Variants in DPY19L1 observed in about 807,000 individuals in gnomAD.
DPY19L1 encodes the protein dpy-19 like C-mannosyltransferase 1, also known as protein C-mannosyl-transferase DPY19L1.
In DPY19L1, 35 loss-of-function variants were observed where a neutral mutation model predicts 96.9. That is an observed-to-expected ratio of 0.36 (90% CI 0.28 to 0.48). The LOEUF (loss-of-function observed/expected upper bound fraction) is 0.48, where lower values mean the gene tolerates loss of function less well. DPY19L1 is among the 20% of genes least tolerant of loss of function. The pLI is 0.99. For synonymous variants in DPY19L1, 205 were observed against 252.6 expected (o/e 0.81, Z 1.79); for missense variants, 521 against 777.9 (o/e 0.67, Z 3.93).
chr7:35,004,758 C>G (rs1367857025), intron 6 of DPY19L1, among the ~76,000 whole-genome samples: 1 of 152,128 alleles, frequency 6.6e-6, no homozygotes, highest in Non-Finnish European at 1.5e-5. Flanking sequence ...CTTATAAGAT[C>G]CTCAATATAA....
At chr7:34,985,367 A>G (rs1336240539) in intron 7 of DPY19L1, among the ~76,000 whole-genome samples, 2 of 152,302 alleles carry the variant, frequency 1.3e-5, no homozygotes, top group East Asian at 3.9e-4. Flanking sequence ...AACAAAGGAA[A>G]TAATTAACAG....
At chr7:35,029,385 G>T (rs1481716154) in intron 1 of DPY19L1, among the ~76,000 whole-genome samples, 1 of 152,144 alleles carries the variant, frequency 6.6e-6, no homozygotes. Context: ...AATGGAAAAA[G>T]TGTAGAATCT....
chr7:35,037,541 A>C (rs1786463235), upstream of DPY19L1: 1 of 311,078 alleles, frequency 3.2e-6, no homozygotes, highest in Admixed American at 5.1e-5. Context: ...GCGGGCCGGG[A>C]GGCGGGGAGA....
At chr7:34,999,740 T>C (rs957453848) in intron 6 of DPY19L1, among the ~76,000 whole-genome samples, 1 of 152,182 alleles carries the variant, frequency 6.6e-6, no homozygotes, top group African/African-American at 2.4e-5. Flanking sequence ...GCTGTAGATC[T>C]GGAGAGGAAT....
intron 6 of DPY19L1, among the ~76,000 whole-genome samples, chr7:35,008,511 G>A (rs148070004): frequency 5.3e-4 from 80 of 152,104 alleles, no homozygotes; most frequent in African/African-American, 1.9e-3. Context: ...ATGCTTTAAC[G>A]GATGTTTACA....
At chr7:35,018,732 G>A in intron 1 of DPY19L1, 136 bp from the exon 2 acceptor site, 1 of 729,246 alleles carries the variant, frequency 1.4e-6, no homozygotes, top group South Asian at 1.9e-5. Flanking sequence ...AAAGTCCCAG[G>A]GCTACGTTTA....
intron 17 of DPY19L1, 99 bp from the exon 18 acceptor site, chr7:34,941,983 C>CA (rs971484292): frequency 8.4e-7 from 1 of 1,193,298 alleles, no homozygotes; most frequent in Non-Finnish European, 1.2e-6. Flanking sequence ...TCCTTAGTAA[C>CA]AAAAAATACT....
At chr7:34,935,999 T>G (rs1388691607) in intron 21 of DPY19L1, among the ~76,000 whole-genome samples, 2 of 151,742 alleles carry the variant, frequency 1.3e-5, no homozygotes, top group African/African-American at 4.8e-5. Context: ...TTTTAATGAG[T>G]GGGGAAAACA....
chr7:34,975,573 C>G (rs1164623343), intron 7 of DPY19L1, among the ~76,000 whole-genome samples: 1 of 152,202 alleles, frequency 6.6e-6, no homozygotes, highest in African/African-American at 2.4e-5. Flanking sequence ...GCTAACATAA[C>G]TGAGGTAGGT....
intron 14 of DPY19L1, among the ~76,000 whole-genome samples, chr7:34,949,034 T>C (rs528049790): frequency 6.6e-6 from 1 of 152,340 alleles, no homozygotes; most frequent in Admixed American, 6.5e-5. Flanking sequence ...CAGTTTCATA[T>C]ACATACACAT....
chr7:34,954,193 C>T (rs549748393), intron 13 of DPY19L1, among the ~76,000 whole-genome samples: 1 of 152,178 alleles, frequency 6.6e-6, no homozygotes, highest in Admixed American at 6.5e-5. Flanking sequence ...ACAGACTTCT[C>T]CATTTTATCT....
intron 21 of DPY19L1, among the ~76,000 whole-genome samples, chr7:34,937,015 T>C (rs1448198589): frequency 4.6e-5 from 7 of 152,368 alleles, no homozygotes; most frequent in Admixed American, 2.6e-4. Flanking sequence ...TTATTTCTGA[T>C]AAAATTGTTC....
At chr7:35,019,724 G>A (rs944940240) in intron 1 of DPY19L1, among the ~76,000 whole-genome samples, 1 of 152,082 alleles carries the variant, frequency 6.6e-6, no homozygotes, top group Admixed American at 6.5e-5. Flanking sequence ...TTGGAAATAC[G>A]AATGGTTACT....
At chr7:35,024,082 C>G (rs759079057) in intron 1 of DPY19L1, among the ~76,000 whole-genome samples, 1 of 151,940 alleles carries the variant, frequency 6.6e-6, no homozygotes, top group East Asian at 1.9e-4. Flanking sequence ...GTGATCCCCC[C>G]GCCTCAGCCT....
At chr7:35,000,527 G>C (rs1006383000) in intron 6 of DPY19L1, 1 of 152,166 alleles carries the variant, frequency 6.6e-6, no homozygotes, top group Non-Finnish European at 1.5e-5. Flanking sequence ...AAAATTAACT[G>C]AGGAAACTAT....
intron 6 of DPY19L1, chr7:35,000,772 T>A (rs1175351897): frequency 1.3e-5 from 2 of 152,210 alleles, no homozygotes; most frequent in Non-Finnish European, 1.5e-5. Context: ...AAAGTCTAGA[T>A]CCTTCTTAGT....
At chr7:34,950,873 G>A (rs867696023) in intron 13 of DPY19L1, among the ~76,000 whole-genome samples, 7 of 152,044 alleles carry the variant, frequency 4.6e-5, no homozygotes, top group Non-Finnish European at 1.0e-4. Flanking sequence ...CACTAATTAA[G>A]GGACAGATGC....
At chr7:35,031,562 T>C (rs1786261338) in intron 1 of DPY19L1, among the ~76,000 whole-genome samples, 1 of 152,208 alleles carries the variant, frequency 6.6e-6, no homozygotes, top group Admixed American at 6.5e-5. Context: ...AGGATAAGTA[T>C]TTACAATGCA....
chr7:35,026,231 T>C (rs1292587441), intron 1 of DPY19L1, among the ~76,000 whole-genome samples: 2 of 152,192 alleles, frequency 1.3e-5, no homozygotes, highest in Admixed American at 6.5e-5. Flanking sequence ...TGGAAACCAG[T>C]AGTAATTGTA....
Sources: gnomAD v4.1 joint callset for allele counts (sites outside exome capture counted in the v4.1 genomes callset) on GRCh38, gnomAD v4.1.1 for gene constraint, MANE v1.5 for transcripts, NCBI Gene and HGNC (gene_info 2026-07-23, HGNC 2026-07-21) for gene names.